Variants in ZBTB7C observed in about 807,000 individuals in gnomAD.
ZBTB7C encodes zinc finger and BTB domain containing 7C, also known as zinc finger and BTB domain-containing protein 7C.
A neutral mutation model predicts 25.7 loss-of-function variants in ZBTB7C; 8 were observed. The observed-to-expected ratio is 0.31, with a 90% CI of 0.18 to 0.56. The LOEUF (loss-of-function observed/expected upper bound fraction) is 0.56, where lower values mean the gene tolerates loss of function less well. ZBTB7C is among the 20% of genes least tolerant of loss of function. ZBTB7C has a pLI of 0.91. For missense variants in ZBTB7C, 824 were observed against 855.2 expected (o/e 0.96, Z 0.46); for synonymous variants, 394 against 369.0 (o/e 1.07, Z -0.78).
intron 3 of ZBTB7C, among the ~76,000 whole-genome samples, chr18:48,141,152 C>CTA: frequency 6.9e-6 from 1 of 145,724 alleles, no homozygotes; most frequent in South Asian, 2.4e-4. Flanking sequence ...CACCACCCCC[C>CTA]CCACTGTTCC....
chr18:48,256,247 C>CA lies in ZBTB7C; in HGVS notation c.-78-70253dup, dbSNP rs2044018143. 1.4e-4 allele frequency among the ~76,000 whole-genome samples: 21 copies of CA among 151,880 alleles called. 1 individual carries two copies. The South Asian group carries it at 3.9e-3, about 29-fold the overall frequency. On this transcript the variant is annotated intron_variant, in intron 2 of 4. Coordinates refer to ENST00000590800, the MANE Select transcript of ZBTB7C (RefSeq NM_001318841.2). ...AATTGTTCAAAACCAATAATAAAGA[C>CA]AAAATCTTAAAAGCAACCAGGGTGA...
chr18:48,309,611 T>C (rs1228041907), intron 2 of ZBTB7C, among the ~76,000 whole-genome samples: 4 of 152,214 alleles, frequency 2.6e-5, no homozygotes, highest in Admixed American at 6.5e-5. Context: ...CAAATTGTCA[T>C]GTTATGCATG....
At chr18:48,235,988 C>T (rs181409652) in intron 2 of ZBTB7C, among the ~76,000 whole-genome samples, 61 of 152,296 alleles carry the variant, frequency 4.0e-4, no homozygotes, top group African/African-American at 1.5e-3. Context: ...GAAAAATCCT[C>T]AGCCATTTTC....
chr18:48,292,636 A>T (rs897635113), intron 2 of ZBTB7C, among the ~76,000 whole-genome samples: 2 of 152,254 alleles, frequency 1.3e-5, no homozygotes, highest in Admixed American at 1.3e-4. Flanking sequence ...TGGGGTGGAG[A>T]AGGAGGCAGA....
intron 2 of ZBTB7C, among the ~76,000 whole-genome samples, chr18:48,282,698 A>G (rs1194376179): frequency 6.6e-6 from 1 of 152,264 alleles, no homozygotes; most frequent in African/African-American, 2.4e-5. Flanking sequence ...AACTACACAT[A>G]GCAAAATGAA....
chr18:48,314,296 A>G (rs1456301656), intron 2 of ZBTB7C, among the ~76,000 whole-genome samples: 1 of 152,184 alleles, frequency 6.6e-6, no homozygotes, highest in Non-Finnish European at 1.5e-5. Context: ...GTTCGTCTAC[A>G]ATGATCTTTC....
intron 3 of ZBTB7C, among the ~76,000 whole-genome samples, chr18:48,068,129 C>T (rs927908903): frequency 1.4e-5 from 2 of 148,016 alleles, no homozygotes; most frequent in African/African-American, 5.0e-5. Context: ...AAACTTGAGC[C>T]TTGTAAGTCT....
At chr18:48,237,228 C>T (rs2043403310) in intron 2 of ZBTB7C, among the ~76,000 whole-genome samples, 5 of 152,106 alleles carry the variant, frequency 3.3e-5, no homozygotes, top group Admixed American at 3.3e-4. Context: ...AGGATCGTTC[C>T]TCTACAATAC....
chr18:48,188,889 C>T (rs1000223882), intron 2 of ZBTB7C, among the ~76,000 whole-genome samples: 8 of 152,228 alleles, frequency 5.3e-5, no homozygotes, highest in Non-Finnish European at 1.2e-4. Context: ...GTCCACCTCC[C>T]TCATCAAGCC....
At chr18:48,174,145 C>A (rs1235702831) in intron 3 of ZBTB7C, among the ~76,000 whole-genome samples, 7 of 152,118 alleles carry the variant, frequency 4.6e-5, no homozygotes, top group African/African-American at 1.7e-4. Context: ...TATGGCAAAT[C>A]CCATAAGTAA....
chr18:48,228,481 T>C (rs2043162562), intron 2 of ZBTB7C, among the ~76,000 whole-genome samples: 1 of 152,112 alleles, frequency 6.6e-6, no homozygotes, highest in Non-Finnish European at 1.5e-5. Context: ...GCACATCCTC[T>C]TGGGCCTCTC....
chr18:48,142,603 G>C (rs1053464084), intron 3 of ZBTB7C, among the ~76,000 whole-genome samples: 27 of 152,292 alleles, frequency 1.8e-4, no homozygotes, highest in Non-Finnish European at 3.4e-4. Flanking sequence ...GGCACCCACT[G>C]TGGGAGGAGG....
At chr18:48,157,673 C>T (rs868429151) in intron 3 of ZBTB7C, among the ~76,000 whole-genome samples, 2 of 152,208 alleles carry the variant, frequency 1.3e-5, no homozygotes, top group African/African-American at 4.8e-5. Flanking sequence ...CACTGTGTGA[C>T]GTGAGGCAAA....
intron 3 of ZBTB7C, among the ~76,000 whole-genome samples, chr18:48,121,248 T>C (rs1486355517): frequency 6.6e-6 from 1 of 152,144 alleles, no homozygotes; most frequent in Non-Finnish European, 1.5e-5. Context: ...GGCAAAACCA[T>C]TGTATAAGCA....
chr18:48,231,352 C>T (rs2043246960), intron 2 of ZBTB7C, among the ~76,000 whole-genome samples: 1 of 152,182 alleles, frequency 6.6e-6, no homozygotes, highest in Admixed American at 6.5e-5. Context: ...CTGGTCTCAG[C>T]CAGACTTGGA....
chr18:48,237,833 C>A (rs1398973753), intron 2 of ZBTB7C, among the ~76,000 whole-genome samples: 2 of 152,056 alleles, frequency 1.3e-5, no homozygotes, highest in Non-Finnish European at 2.9e-5. Context: ...TGGAAATAAC[C>A]AAATATCCAA....
chr18:48,154,517 G>A (rs187797212), intron 3 of ZBTB7C, among the ~76,000 whole-genome samples: 1 of 152,352 alleles, frequency 6.6e-6, no homozygotes, highest in African/African-American at 2.4e-5. Context: ...AATCTGCCCT[G>A]TTCAATTCTT....
At chr18:48,285,213 T>C (rs146969400) in intron 2 of ZBTB7C, among the ~76,000 whole-genome samples, 11 of 152,362 alleles carry the variant, frequency 7.2e-5, no homozygotes, top group South Asian at 2.1e-4. Context: ...CCTTGACCTG[T>C]CTGTTTACAA....
chr18:48,355,259 G>A (rs889555919), intron 1 of ZBTB7C, among the ~76,000 whole-genome samples: 1 of 152,180 alleles, frequency 6.6e-6, no homozygotes, highest in Non-Finnish European at 1.5e-5. Flanking sequence ...ATCCAGTGAG[G>A]CTGGAGGGCA....
Sources: gnomAD v4.1 joint callset for allele counts (sites outside exome capture counted in the v4.1 genomes callset) on GRCh38, gnomAD v4.1.1 for gene constraint, MANE v1.5 for transcripts, NCBI Gene and HGNC (gene_info 2026-07-23, HGNC 2026-07-21) for gene names.